ZNF546: variants seen among roughly 807,000 people sequenced by gnomAD.
The protein encoded by ZNF546 is CTC-471F3.6.
Under a neutral mutation model 76.2 loss-of-function variants are expected in ZNF546, and 60 were observed. That is an observed-to-expected ratio of 0.79 (90% CI 0.64 to 0.98). The LOEUF (loss-of-function observed/expected upper bound fraction) is 0.98, where lower values mean the gene tolerates loss of function less well. ZNF546 is among the 50% of genes least tolerant of loss of function. ZNF546 has a pLI of 0.00. For synonymous variants in ZNF546, 277 were observed against 328.1 expected (o/e 0.84, Z 1.68); for missense variants, 936 against 1,035.6 (o/e 0.90, Z 1.32).
chr19:40,004,061 TATAATATATAA>T, intron 3 of ZNF546, among the ~76,000 whole-genome samples: 1 of 132,276 alleles, frequency 7.6e-6, no homozygotes, highest in East Asian at 2.0e-4. Flanking sequence ...TGTATTTATA[TATAATATATAA>T]ATATATATAT....
chr19:40,011,076 A>G (rs893484184), intron 6 of ZNF546, among the ~76,000 whole-genome samples: 5 of 152,192 alleles, frequency 3.3e-5, no homozygotes, highest in African/African-American at 1.2e-4. Flanking sequence ...CAAATGTATG[A>G]TCTGTAAACT....
At position 40,019,205 on chromosome 19, in the gene ZNF546, T is replaced by A. The variant is rs146457126; in HGVS notation, c.*3424T>A. 55 of 152,304 alleles carry A rather than the reference T, an allele frequency of 3.6e-4. No homozygotes were observed. Among genetic ancestry groups the A allele is most frequent in the African/African-American group, 1.3e-3 (55 of 41,568 alleles). 9.4% of individuals were successfully genotyped at this position (152,304 alleles called of 1,614,324 possible). On this transcript the variant is annotated 3_prime_UTR_variant, in exon 7 of 7. Transcript: ENST00000347077. ...TTTGTGAATGTGGCCAAACCTGTGC[T>A]CAGTGAAAAATCAGTAACCTGTTAA...
In ZNF546 at chr19:40,015,249, C is replaced by T; in HGVS notation, c.1979C>T (p.Thr660Ile). 1.9e-6 allele frequency: 3 copies of T among 1,614,034 alleles called. No homozygotes were observed. The highest frequency in any genetic ancestry group is 2.5e-6 in the Non-Finnish European group (3 of 1,179,986). ...CTCACGCAACATCACAGAATTCATA[C>T]TGGTGAGAAACCCTACGAATGTACG... ...THLTQHHRIH[T>I]GEKPYECTEC... is the part of the protein sequence containing the mutation. The change falls in exon 7 of 7, where the codon ACT becomes ATT. Residue 660 changes from threonine (T) to isoleucine (I), a missense_variant. Thr to Ile is a moderately conservative substitution (Grantham distance 89). Transcript: ENST00000347077.
In ZNF546 at chr19:40,018,064, C is replaced by T. The variant is rs1444885192; in HGVS notation, c.*2283C>T. The T allele has an allele frequency of 6.7e-6, 1 of 149,602 alleles. No individual in the cohort carries two copies. The allele number at this position is 149,602 out of a possible 1,614,324, so 9.3% of individuals were successfully genotyped here. ...TCTTGGCTCACTGCAAGCTCCGCCT[C>T]CCGGGTTCAGGCAATTCTGCCTCAG... is the stretch of plus-strand genomic sequence containing the variant. On this transcript the variant is annotated 3_prime_UTR_variant, in exon 7 of 7. Transcript: ENST00000347077.
chr19:40,004,079 ATAT>A (rs1206874068), intron 3 of ZNF546, among the ~76,000 whole-genome samples: 2 of 143,290 alleles, frequency 1.4e-5, no homozygotes, highest in African/African-American at 2.6e-5. Context: ...ATAAATATAT[ATAT>A]AACTATATTA....
rs1971772389 is a variant in ZNF546, at chr19:40,016,604, G to A, written c.*823G>A. On this transcript the variant is annotated 3_prime_UTR_variant, in exon 7 of 7. Transcript: ENST00000347077. ...ATAAAAGCCCCAGTTTTTTATTATG[G>A]TATTTAACTGAGTTAACTCTGTCAG... 1 of 152,076 alleles carries A rather than the reference G, an allele frequency of 6.6e-6. No individual in the cohort carries two copies. Among genetic ancestry groups the A allele is most frequent in the Non-Finnish European group, 1.5e-5 (1 of 68,006 alleles). 9.4% of individuals were successfully genotyped at this position (152,076 alleles called of 1,614,324 possible).
intron 3 of ZNF546, among the ~76,000 whole-genome samples, chr19:40,003,537 A>G (rs1971557483): frequency 6.6e-6 from 1 of 152,180 alleles, no homozygotes; most frequent in Admixed American, 6.5e-5. Flanking sequence ...CTGAAAGGAA[A>G]ATTTCAGAGC....
Position 40,019,025 on chromosome 19 carries a change from T to G in ZNF546, c.*3244T>G, listed in dbSNP as rs927729309. 1.3e-5 allele frequency: 2 copies of G among 152,234 alleles called. No individual in the cohort carries two copies. The highest frequency in any genetic ancestry group is 2.9e-5 in the Non-Finnish European group (2 of 68,044). 9.4% of individuals were successfully genotyped at this position (152,234 alleles called of 1,614,324 possible). ...TATGGTAATCACCAGGTTTCTCTGT[T>G]GTAGAGCTAAATATTTCTTTTAATT... On this transcript the variant is annotated 3_prime_UTR_variant, in exon 7 of 7. Coordinates refer to ENST00000347077, the MANE Select transcript of ZNF546 (RefSeq NM_178544.5).
rs2144653331 is a variant in ZNF546 at position 40,015,618 on chromosome 19, G to A, written c.2348G>A (p.Gly783Glu). Residue 783 changes from glycine to glutamate, a missense_variant, in exon 7 of 7, where the codon GGG (glycine) becomes GAG (glutamate). Physicochemically the swap from Gly to Glu is moderately conservative, Grantham distance 98. Coordinates refer to ENST00000347077, the MANE Select transcript of ZNF546 (RefSeq NM_178544.5). ...GEKPYKCKEC[G>E]KAFSVNSELT... ...AAACCCTATAAATGTAAAGAATGTG[G>A]GAAAGCCTTCAGTGTTAATTCAGAA... 6 of 1,614,006 alleles carry A rather than the reference G, an allele frequency of 3.7e-6. No homozygotes were observed. In the East Asian group the frequency reaches 1.3e-4, roughly 36 times the overall value.
intron 6 of ZNF546, among the ~76,000 whole-genome samples, chr19:40,012,831 T>TG (rs1388331836): frequency 6.6e-6 from 1 of 151,670 alleles, no homozygotes; most frequent in East Asian, 1.9e-4. Flanking sequence ...TTTTTTTTTT[T>TG]GAGACAGAGT....
intron 3 of ZNF546, among the ~76,000 whole-genome samples, chr19:40,001,044 G>A (rs1157191832): frequency 1.3e-5 from 2 of 151,936 alleles, no homozygotes; most frequent in Non-Finnish European, 2.9e-5. Context: ...TAAGGAGCAC[G>A]CAGCCTAGAT....
intron 6 of ZNF546, among the ~76,000 whole-genome samples, chr19:40,012,134 C>T (rs200994040): frequency 6.7e-6 from 1 of 148,380 alleles, no homozygotes; most frequent in Admixed American, 6.6e-5. Context: ...GATAAAACAA[C>T]TGATGCTCAC....
At chr19:40,005,920 G>A (rs1971596383) in intron 3 of ZNF546, among the ~76,000 whole-genome samples, 176 bp from the exon 4 acceptor site, 1 of 152,276 alleles carries the variant, frequency 6.6e-6, no homozygotes, top group African/African-American at 2.4e-5. Context: ...CCTGGCAACC[G>A]TGGGCATGAA....
At chr19:39,998,098 T>G in intron 2 of ZNF546, 150 bp from the exon 3 acceptor site, 1 of 528,970 alleles carries the variant, frequency 1.9e-6, no homozygotes, top group Non-Finnish European at 3.4e-6. Context: ...CCAGGTACTT[T>G]CTGTAGCTTT....
At chr19:40,008,367 C>A in intron 5 of ZNF546, 103 bp from the exon 6 acceptor site, 1 of 771,592 alleles carries the variant, frequency 1.3e-6, no homozygotes, top group Non-Finnish European at 2.1e-6. Context: ...CCATTTTCAC[C>A]TGCAGTTTCT....
At chr19:40,009,753 T>C (rs974261965) in intron 6 of ZNF546, among the ~76,000 whole-genome samples, 1 of 152,190 alleles carries the variant, frequency 6.6e-6, no homozygotes, top group Non-Finnish European at 1.5e-5. Context: ...GTGATTTTTT[T>C]CTTCCTTTTT....
chr19:40,003,406 T>C (rs1275629961), intron 3 of ZNF546, among the ~76,000 whole-genome samples: 1 of 152,188 alleles, frequency 6.6e-6, no homozygotes, highest in Non-Finnish European at 1.5e-5. Context: ...TTTATTGTAA[T>C]GATTCAAAGT....
At position 40,017,965 on chromosome 19, in the gene ZNF546, A is replaced by ATTT. The variant is rs1329411505; in HGVS notation, c.*2184_*2185insTTT. On this transcript the variant is annotated 3_prime_UTR_variant, in exon 7 of 7. Transcript: ENST00000347077. ...CCCCCACAACTTTATTGCAACATTG[A>ATTT]CTTTTTTTTTTTTTTTTTTTTTTTT... is the stretch of plus-strand genomic sequence containing the variant. 3 of 82,654 alleles carry ATTT rather than the reference A, an allele frequency of 3.6e-5. No individual in the cohort carries two copies. The highest frequency in any genetic ancestry group is 1.0e-4 in the African/African-American group (2 of 19,614). The allele number at this position is 82,654 out of a possible 1,614,324, so 5.1% of individuals were successfully genotyped here.
chr19:40,001,919 G>A (rs1483721818), intron 3 of ZNF546, among the ~76,000 whole-genome samples: 1 of 152,150 alleles, frequency 6.6e-6, no homozygotes, highest in African/African-American at 2.4e-5. Flanking sequence ...ATCATTAAGT[G>A]GGATGTATGT....
Sources: allele counts gnomAD v4.1 joint callset (sites outside exome capture counted in the v4.1 genomes callset), GRCh38; gene constraint gnomAD v4.1.1; transcripts MANE v1.5; gene names NCBI Gene and HGNC (gene_info 2026-07-23, HGNC 2026-07-21).